Variants in PXK observed in about 807,000 individuals in gnomAD.
The protein encoded by PXK is PX domain containing serine/threonine kinase like, also known as PX domain-containing protein kinase-like protein.
In PXK, 35 loss-of-function variants were observed where a neutral mutation model predicts 84.7. That is an observed-to-expected ratio of 0.41 (90% CI 0.32 to 0.55). PXK has a LOEUF of 0.55. Ranked by LOEUF, PXK falls within the 20% of genes least tolerant of loss-of-function variation. The probability of loss-of-function intolerance (pLI) is 0.21; values close to 1 mark genes in which losing one functional copy is unlikely to be tolerated. For missense variants in PXK, 634 were observed against 699.7 expected, an observed-to-expected ratio of 0.91 and a Z score of 1.06; for synonymous variants, 253 against 260.8, an observed-to-expected ratio of 0.97 and a Z score of 0.29.
chr3:58,391,251 A>G (rs766286043), intron 6 of PXK, 31 bp downstream of exon 6: 1 of 1,570,892 alleles, frequency 6.4e-7, no homozygotes, highest in Non-Finnish European at 8.8e-7. Flanking sequence ...GGTCTCCTTC[A>G]GTGACTTTAG....
Position 58,397,552 on chromosome 3 carries a change from G to T in PXK, c.985-53G>T, listed in dbSNP as rs759327970. 2 of 1,444,550 alleles carry T rather than the reference G, an allele frequency of 1.4e-6. No homozygotes were observed. The highest frequency in any genetic ancestry group is 9.7e-7 in the Non-Finnish European group (1 of 1,026,000). 89.5% of individuals were successfully genotyped at this position (1,444,550 alleles called of 1,614,324 possible). A position where few individuals can be genotyped will look rare whatever the true frequency, so the allele number is the denominator to read the frequency against. On this transcript the variant is annotated intron_variant, in intron 10 of 17. Transcript: ENST00000356151. The surrounding 1 kb of genome is among the most constrained non-coding windows in gnomAD (Gnocchi z 4.7). ...AGAAGCCTTGGGGCAGGAGCGCGAG[G>T]GTCCACAAAGCCAAAGTGAAGGGTG...
chr3:58,365,933 C>A lies in PXK; in HGVS notation c.153+9C>A. 5.0e-6 allele frequency: 7 copies of A among 1,394,012 alleles called. No homozygotes were observed. The highest frequency in any genetic ancestry group is 1.4e-5 in the South Asian group (1 of 69,836). 86.4% of individuals were successfully genotyped at this position (1,394,012 alleles called of 1,614,324 possible). A position where few individuals can be genotyped will look rare whatever the true frequency, so the allele number is the denominator to read the frequency against. On this transcript the variant is annotated intron_variant, in intron 2 of 17. Coordinates refer to ENST00000356151, the MANE Select transcript of PXK (RefSeq NM_017771.5). ...TGGAAAACAGCTGGCAGGTAAGCAT[C>A]TTTTTTTTTTTTTTTGTCAATTAGA...
chr3:58,416,419 T>C lies in PXK; in HGVS notation c.1528+3456T>C, dbSNP rs1489740691. Among the ~76,000 whole-genome samples the C allele has an allele frequency of 6.6e-6, 1 of 152,174 alleles. No homozygotes were observed. The highest frequency in any genetic ancestry group is 1.5e-5 in the Non-Finnish European group (1 of 68,014). ...GGGGGCGGTCCCAGTTTCTATCTCA[T>C]TGTGATTGGACAAAAAGGGTATGAT... On this transcript the variant is annotated intron_variant, in intron 17 of 17. Coordinates refer to ENST00000356151, the MANE Select transcript of PXK (RefSeq NM_017771.5). The surrounding 1 kb of genome is among the most constrained non-coding windows in gnomAD (Gnocchi z 4.8).
chr3:58,382,052 A>C (rs2098508373), intron 3 of PXK, among the ~76,000 whole-genome samples: 1 of 152,216 alleles, frequency 6.6e-6, no homozygotes. Context: ...GTGGTGGCTC[A>C]TACCTGTAAT....
intron 17 of PXK, among the ~76,000 whole-genome samples, chr3:58,419,084 GA>G (rs1325752297): frequency 5.3e-5 from 8 of 152,242 alleles, no homozygotes; most frequent in Non-Finnish European, 8.8e-5. Context: ...ATGATTGGAA[GA>G]AAAGGCTATG....
rs1211240212 is a variant in PXK at position 58,399,075 on chromosome 3, T to C, written c.1103-224T>C. On this transcript the variant is annotated intron_variant, in intron 11 of 17. Transcript: ENST00000356151. This position sits in a 1 kb window ranked among gnomAD's most constrained non-coding sequence, Gnocchi z 4.3. Reference sequence around the variant, plus strand: ...TATCTTTGAAATATATTTAGCTTTCTGTCAGCATGTAGTTTCTAAACCATT... The same window carrying C: ...TATCTTTGAAATATATTTAGCTTTCCGTCAGCATGTAGTTTCTAAACCATT... Among the ~76,000 whole-genome samples, 1 of 152,250 alleles carries C rather than the reference T, an allele frequency of 6.6e-6. No homozygotes were observed. The highest frequency in any genetic ancestry group is 1.5e-5 in the Non-Finnish European group (1 of 68,036).
At chr3:58,355,147 G>GA (rs367672428) in intron 1 of PXK, among the ~76,000 whole-genome samples, 1 of 145,280 alleles carries the variant, frequency 6.9e-6, no homozygotes, top group South Asian at 2.2e-4. Flanking sequence ...AAAAAAAAAA[G>GA]AAAAAACAGA....
At chr3:58,336,049 ATATATATATATATATATATATATTTTT>A (rs1221741140) in intron 1 of PXK, among the ~76,000 whole-genome samples, 1 of 48,528 alleles carries the variant, frequency 2.1e-5, no homozygotes, top group African/African-American at 1.1e-4. Context: ...ATATATATAT[ATATATATATATATATATATATATTTTT>A]TTTTTTTTTT....
At chr3:58,343,565 GGACAGGA>G (rs2097770686) in intron 1 of PXK, among the ~76,000 whole-genome samples, 1 of 152,220 alleles carries the variant, frequency 6.6e-6, no homozygotes, top group African/African-American at 2.4e-5. Flanking sequence ...TGTTGAGGGT[GGACAGGA>G]GGGTCTGTGC....
At chr3:58,394,355 C>T (rs1212601359) in intron 7 of PXK, among the ~76,000 whole-genome samples, 2 of 152,172 alleles carry the variant, frequency 1.3e-5, no homozygotes, top group African/African-American at 2.4e-5. Flanking sequence ...TTTTCTCCAC[C>T]CCAGTTGCTT....
intron 1 of PXK, among the ~76,000 whole-genome samples, chr3:58,344,051 G>A (rs1057471880): frequency 2.6e-5 from 4 of 152,154 alleles, no homozygotes; most frequent in South Asian, 2.1e-4. Context: ...ATTGGGAAGA[G>A]CGACAATGGC....
In PXK at chr3:58,391,838, T is replaced by C. The variant is rs888770438; in HGVS notation, c.606T>C (p.Pro202=). ...TTCAGTGTCTAATCAAACTTCTGCC[T>C]TCTTGTTTGGTGAGTATACGTCTTT... ...KDFQCLIKLL[P]SCLHPYIYRV... is the part of the protein sequence containing the mutation. Residue 202 remains proline, a synonymous_variant, in exon 7 of 18, where the codon CCT becomes CCC. Transcript: ENST00000356151. The C allele has an allele frequency of 4.3e-6, 7 of 1,610,376 alleles. No individual in the cohort carries two copies. In the Admixed American group the frequency reaches 8.3e-5, roughly 19 times the overall value.
chr3:58,343,728 C>T (rs2097772935), intron 1 of PXK, among the ~76,000 whole-genome samples: 1 of 152,188 alleles, frequency 6.6e-6, no homozygotes, highest in African/African-American at 2.4e-5. Flanking sequence ...CAATTTCAAA[C>T]TAGCCCAGTC....
chr3:58,418,638 T>C (rs1030746810), intron 17 of PXK, among the ~76,000 whole-genome samples: 1 of 152,188 alleles, frequency 6.6e-6, no homozygotes, highest in African/African-American at 2.4e-5. Context: ...GTCTCGCTCT[T>C]TATTAGATAG....
intron 1 of PXK, among the ~76,000 whole-genome samples, chr3:58,336,071 A>ATATT (rs1284780630): frequency 7.8e-4 from 40 of 51,578 alleles, no homozygotes; most frequent in Non-Finnish European, 1.1e-3. Context: ...ATATATATAT[A>ATATT]TTTTTTTTTT....
At chr3:58,373,873 G>A (rs1576217836) in intron 3 of PXK, among the ~76,000 whole-genome samples, 6 of 151,678 alleles carry the variant, frequency 4.0e-5, no homozygotes, top group Admixed American at 3.9e-4. Context: ...GTGAAACCCC[G>A]TCTCTACTAA....
chr3:58,391,082 C>T (rs2098626382), intron 5 of PXK, 65 bp from the exon 6 acceptor site: 1 of 1,139,298 alleles, frequency 8.8e-7, no homozygotes, highest in Non-Finnish European at 1.3e-6. Context: ...ATTACCTAGT[C>T]AGTGAAACAT....
At chr3:58,389,017 G>A (rs1248337091) in intron 4 of PXK, among the ~76,000 whole-genome samples, 1 of 152,030 alleles carries the variant, frequency 6.6e-6, no homozygotes, top group Admixed American at 6.6e-5. Context: ...AGGGGAAATG[G>A]CAAATTACAG....
Position 58,399,474 on chromosome 3 carries a change from G to A in PXK, c.1181+97G>A, listed in dbSNP as rs368068207. 13 of 1,258,168 alleles carry A rather than the reference G, an allele frequency of 1.0e-5. No homozygotes were observed. In the African/African-American group the frequency reaches 1.2e-4, roughly 11 times the overall value. 77.9% of individuals were successfully genotyped at this position (1,258,168 alleles called of 1,614,324 possible). On this transcript the variant is annotated intron_variant, in intron 12 of 17. Transcript: ENST00000356151. This position sits in a 1 kb window ranked among gnomAD's most constrained non-coding sequence, Gnocchi z 4.3. ...CTGGTACTGTAGTAAAGATTCTTGC[G>A]GTCCCTGCAGAGTTGGCGTGGCCTG...
Sources: gnomAD v4.1 joint callset for allele counts (sites outside exome capture counted in the v4.1 genomes callset) on GRCh38, gnomAD v4.1.1 for gene constraint, Gnocchi (gnomAD v3.1) non-coding constraint, MANE v1.5 for transcripts, NCBI Gene and HGNC (gene_info 2026-07-23, HGNC 2026-07-21) for gene names.